The following NUMB variants were observed in gnomAD, a reference collection of about 807,000 sequenced individuals.
The protein encoded by NUMB is NUMB endocytic adaptor protein.
A neutral mutation model predicts 59.7 loss-of-function variants in NUMB; 29 were observed. That is an observed-to-expected ratio of 0.49 (90% CI 0.36 to 0.66). The LOEUF (loss-of-function observed/expected upper bound fraction) is 0.66, where lower values mean the gene tolerates loss of function less well. Among genes scored for constraint, NUMB ranks in the 30% least tolerant of loss-of-function variants. The pLI is 0.00. For synonymous variants in NUMB, 288 were observed against 288.2 expected, an observed-to-expected ratio of 1.00 and a Z score of 0.01; for missense variants, 723 against 822.0, an observed-to-expected ratio of 0.88 and a Z score of 1.47.
At chr14:73,291,674 G>A (rs981503338) in intron 8 of NUMB, among the ~76,000 whole-genome samples, 4 of 151,198 alleles carry the variant, frequency 2.6e-5, no homozygotes, top group African/African-American at 4.9e-5. Context: ...CACCATGCCC[G>A]GCCAGTATTT....
chr14:73,286,898 G>A (rs560137306), intron 9 of NUMB: 4 of 566,322 alleles, frequency 7.1e-6, no homozygotes, highest in South Asian at 4.1e-5. Flanking sequence ...TGATTCCTCA[G>A]ATAGCTTACT....
chr14:73,396,636 C>CT (rs1896153688), intron 2 of NUMB, among the ~76,000 whole-genome samples: 1 of 152,034 alleles, frequency 6.6e-6, no homozygotes, highest in Non-Finnish European at 1.5e-5. Flanking sequence ...TCTCAAAGTG[C>CT]TGGGATTACA....
chr14:73,422,965 T>C (rs558643694), intron 1 of NUMB, among the ~76,000 whole-genome samples: 13 of 152,232 alleles, frequency 8.5e-5, no homozygotes, highest in African/African-American at 2.6e-4. Flanking sequence ...ACAAAGTGTT[T>C]TTGTTTAAAT....
At chr14:73,339,872 G>T (rs772292303) in intron 4 of NUMB, among the ~76,000 whole-genome samples, 8 of 152,136 alleles carry the variant, frequency 5.3e-5, no homozygotes, top group Non-Finnish European at 7.4e-5. Context: ...GCAGAAGAGT[G>T]GAAAACCTTC....
At chr14:73,424,687 T>A (rs747331009) in intron 1 of NUMB, among the ~76,000 whole-genome samples, 2 of 152,228 alleles carry the variant, frequency 1.3e-5, no homozygotes, top group Non-Finnish European at 2.9e-5. Context: ...ATAATCTTCA[T>A]GAGCACGTCT....
intron 7 of NUMB, among the ~76,000 whole-genome samples, chr14:73,294,817 CCT>C (rs1491386266): frequency 6.7e-6 from 1 of 148,382 alleles, no homozygotes; most frequent in Non-Finnish European, 1.5e-5. Context: ...CCACGCCCAG[CCT>C]CTCTTTTTAC....
At position 73,277,027 on chromosome 14, in the gene NUMB, G is replaced by A; in HGVS notation, c.1507C>T (p.Pro503Ser). 1 of 1,614,130 alleles carries A rather than the reference G, an allele frequency of 6.2e-7. No homozygotes were observed. The highest frequency in any genetic ancestry group is 8.5e-7 in the Non-Finnish European group (1 of 1,180,036). Residue 503 changes from proline to serine, a missense_variant, in exon 13 of 13, where the codon CCA becomes TCA. Coordinates refer to ENST00000555238, the MANE Select transcript of NUMB (RefSeq NM_001005743.2). ...VPVGVVPALQ[P>S]AFVPAQSYPV... ...TAGGACTGGGCAGGGACAAAGGCTG[G>A]TTGCAGGGCTGGGACCACACCCACT...
intron 3 of NUMB, among the ~76,000 whole-genome samples, chr14:73,359,482 A>C (rs1380410076): frequency 6.6e-6 from 1 of 152,216 alleles, no homozygotes; most frequent in Non-Finnish European, 1.5e-5. Context: ...TTAAACCTTT[A>C]TTTATAAAAC....
At chr14:73,445,342 G>C (rs1883394189) in intron 1 of NUMB, among the ~76,000 whole-genome samples, 1 of 89,940 alleles carries the variant, frequency 1.1e-5, no homozygotes. Flanking sequence ...GTGACAAAGT[G>C]AGACCCTGTC....
intron 1 of NUMB, among the ~76,000 whole-genome samples, chr14:73,430,424 G>C (rs1242990581): frequency 6.6e-6 from 1 of 151,846 alleles, no homozygotes; most frequent in Non-Finnish European, 1.5e-5. Context: ...GAGCCCAGGA[G>C]TTCCGAGACC....
chr14:73,322,778 C>G (rs533595700), intron 5 of NUMB: 1 of 153,134 alleles, frequency 6.5e-6, no homozygotes, highest in East Asian at 1.9e-4. Flanking sequence ...TTAAACGGCT[C>G]ATCTAATAAT....
chr14:73,395,764 G>A (rs564285044), intron 2 of NUMB, among the ~76,000 whole-genome samples: 3 of 152,286 alleles, frequency 2.0e-5, no homozygotes, highest in African/African-American at 7.2e-5. Flanking sequence ...ATAGCTACAC[G>A]TGACATTAGG....
intron 2 of NUMB, among the ~76,000 whole-genome samples, chr14:73,376,033 T>C (rs1566768274): frequency 1.3e-5 from 2 of 152,194 alleles, no homozygotes; most frequent in Non-Finnish European, 2.9e-5. Flanking sequence ...TCATTCCTTT[T>C]CAACGTCATA....
intron 4 of NUMB, among the ~76,000 whole-genome samples, chr14:73,327,916 C>A (rs1166282362): frequency 5.3e-5 from 8 of 152,174 alleles, no homozygotes; most frequent in African/African-American, 1.9e-4. Context: ...TCCCCCACCA[C>A]ACCCAGTCCC....
chr14:73,350,996 T>C (rs1893220885), intron 4 of NUMB, among the ~76,000 whole-genome samples: 1 of 152,188 alleles, frequency 6.6e-6, no homozygotes, highest in South Asian at 2.1e-4. Flanking sequence ...GCAGCCAAAG[T>C]CATTTTTTCA....
In NUMB at chr14:73,413,850, ATACAG is replaced by A. The variant is rs199905615; in HGVS notation, c.-232-3787_-232-3783del. Among the ~76,000 whole-genome samples the A allele has an allele frequency of 6.8e-3, 1,039 of 152,270 alleles. 5 individuals carry two copies. Among genetic ancestry groups the A allele is most frequent in the South Asian group, 0.03 (144 of 4,826 alleles). On this transcript the variant is annotated intron_variant, in intron 1 of 12. Coordinates refer to ENST00000555238, the MANE Select transcript of NUMB (RefSeq NM_001005743.2). ...TTTATTATGTATGCTAAACACAGTGATACAGTTCCTGCCTTTAAAAGCCCACAAAC... is the reference window on the plus strand; with the variant it reads ...TTTATTATGTATGCTAAACACAGTGATTCCTGCCTTTAAAAGCCCACAAAC...
At position 73,350,737 on chromosome 14, in the gene NUMB, C is replaced by CCCCTCGA. The variant is rs1893205068; in HGVS notation, c.126+4888_126+4889insTCGAGGG. ...AGAGATGGGGTCTCACCATGTTGCC[C>CCCCTCGA]AGGCTGGTCTCGAACTCTTGGGCTC... On this transcript the variant is annotated intron_variant, in intron 4 of 12. Coordinates refer to ENST00000555238, the MANE Select transcript of NUMB (RefSeq NM_001005743.2). Among the ~76,000 whole-genome samples, 13 of 151,514 alleles carry CCCCTCGA rather than the reference C, an allele frequency of 8.6e-5. No individual in the cohort carries two copies. In the South Asian group the frequency reaches 2.7e-3, roughly 32 times the overall value.
At chr14:73,357,410 AAAAG>A (rs201606034) in intron 3 of NUMB, among the ~76,000 whole-genome samples, 3,847 of 150,956 alleles carry the variant, frequency 0.025, 65 homozygotes, top group African/African-American at 0.058. Context: ...CAAAAAAAAA[AAAAG>A]AAAGAAAGAA....
chr14:73,340,615 C>T (rs10137586), intron 4 of NUMB, among the ~76,000 whole-genome samples: 7,798 of 152,284 alleles, frequency 0.051, 309 homozygotes, highest in East Asian at 0.14. Flanking sequence ...ACACAGCAGA[C>T]TCCATAAATA....
Sources: allele counts gnomAD v4.1 joint callset (sites outside exome capture counted in the v4.1 genomes callset), GRCh38; gene constraint gnomAD v4.1.1; transcripts MANE v1.5; gene names NCBI Gene and HGNC (gene_info 2026-07-23, HGNC 2026-07-21).